FAF1: variants seen among roughly 807,000 people sequenced by gnomAD.
FAF1 encodes the protein FAS-associated factor 1.
FAF1 carries 25 observed loss-of-function variants against 92.5 expected under a neutral mutation model. That is an observed-to-expected ratio of 0.27 (90% confidence interval 0.20 to 0.38). FAF1 has a LOEUF of 0.38. Ranked by LOEUF, FAF1 falls within the 10% of genes least tolerant of loss-of-function variation. The pLI is 1.00. For synonymous variants in FAF1, 234 were observed against 273.2 expected (o/e 0.86, Z 1.42); for missense variants, 636 against 793.3 (o/e 0.80, Z 2.38).
chr1:50,598,155 G>T lies in FAF1; in HGVS notation c.745-1939C>A, dbSNP rs1285756590. Among the ~76,000 whole-genome samples the T allele has an allele frequency of 3.3e-5, 5 of 152,210 alleles. No individual in the cohort carries two copies. In the South Asian group the frequency reaches 1.0e-3, roughly 32 times the overall value. On this transcript the variant is annotated intron_variant, in intron 8 of 18. Coordinates refer to ENST00000396153, the MANE Select transcript of FAF1 (RefSeq NM_007051.3). ...AAAACATAAACAAAAGATTAGCTGG[G>T]TATGGGGGTGCACGCCTGTAGTCCT...
intron 1 of FAF1, among the ~76,000 whole-genome samples, chr1:50,942,496 A>C (rs1645141769): frequency 6.6e-6 from 1 of 151,958 alleles, no homozygotes; most frequent in South Asian, 2.1e-4. Context: ...AAGGGAATTA[A>C]ATGTTCAGTA....
At position 50,729,473 on chromosome 1, in the gene FAF1, C is replaced by A. The variant is rs577010139; in HGVS notation, c.551+9390G>T. Among the ~76,000 whole-genome samples the A allele has an allele frequency of 2.0e-5, 3 of 151,952 alleles. No homozygotes were observed. In the South Asian group the frequency reaches 6.2e-4, roughly 32 times the overall value. ...TGAACATCATAAAATAAGCAGCAAT[C>A]CTAGCTCAGTGCAACCTCTGCCTCC... On this transcript the variant is annotated intron_variant, in intron 6 of 18. Transcript: ENST00000396153.
At chr1:50,801,769 T>A (rs921126885) in intron 2 of FAF1, 92 bp from the exon 3 acceptor site, 7 of 747,330 alleles carry the variant, frequency 9.4e-6, no homozygotes, top group Non-Finnish European at 1.6e-5. Flanking sequence ...AGTATATTTT[T>A]AAAAATGTAT....
At chr1:50,694,033 G>T (rs568783557) in intron 7 of FAF1, among the ~76,000 whole-genome samples, 5 of 151,712 alleles carry the variant, frequency 3.3e-5, no homozygotes, top group African/African-American at 1.2e-4. Context: ...ACATATATAT[G>T]ACATATACAT....
At chr1:50,942,047 C>T (rs1024173142) in intron 1 of FAF1, among the ~76,000 whole-genome samples, 2 of 152,206 alleles carry the variant, frequency 1.3e-5, no homozygotes, top group African/African-American at 4.8e-5. Flanking sequence ...CAATCCCACC[C>T]TTGTTACTAT....
chr1:50,497,301 C>T (rs2149013119), intron 15 of FAF1, among the ~76,000 whole-genome samples: 1 of 152,030 alleles, frequency 6.6e-6, no homozygotes, highest in East Asian at 1.9e-4. Flanking sequence ...ACCATCAACC[C>T]CAGAATTCTA....
chr1:50,503,758 A>G (rs1647021517), intron 15 of FAF1, among the ~76,000 whole-genome samples: 1 of 152,232 alleles, frequency 6.6e-6, no homozygotes, highest in Admixed American at 6.5e-5. Context: ...CAAAATAATT[A>G]CACTGAATGA....
chr1:50,831,577 A>C (rs555280918), intron 2 of FAF1, among the ~76,000 whole-genome samples: 2 of 152,338 alleles, frequency 1.3e-5, no homozygotes, highest in South Asian at 4.1e-4. Flanking sequence ...AAATGAATGA[A>C]TATGATCAAG....
intron 4 of FAF1, among the ~76,000 whole-genome samples, chr1:50,774,651 C>T (rs1660890324): frequency 6.6e-6 from 1 of 152,076 alleles, no homozygotes; most frequent in South Asian, 2.1e-4. Flanking sequence ...TAAAGCTATG[C>T]CTACTAGGCT....
At chr1:50,684,654 T>C (rs1656573981) in intron 7 of FAF1, among the ~76,000 whole-genome samples, 2 of 152,156 alleles carry the variant, frequency 1.3e-5, no homozygotes, top group Admixed American at 1.3e-4. Flanking sequence ...CAACACTTTG[T>C]CAGATTCACA....
chr1:50,512,224 CAAG>C (rs890836870), intron 15 of FAF1, among the ~76,000 whole-genome samples: 2 of 152,180 alleles, frequency 1.3e-5, no homozygotes, highest in African/African-American at 4.8e-5. Context: ...TTTTGCTGTG[CAAG>C]AAGCTCTTCA....
chr1:50,875,064 T>C (rs181590970), intron 1 of FAF1, among the ~76,000 whole-genome samples: 192 of 152,124 alleles, frequency 1.3e-3, no homozygotes, highest in African/African-American at 3.9e-3. Flanking sequence ...GTTTTTTATA[T>C]TTTTACATTA....
chr1:50,442,906 T>C (rs1039576159), intron 18 of FAF1, among the ~76,000 whole-genome samples: 1 of 152,172 alleles, frequency 6.6e-6, no homozygotes, highest in African/African-American at 2.4e-5. Flanking sequence ...AAGCACACTG[T>C]ATTTGTATCT....
intron 7 of FAF1, among the ~76,000 whole-genome samples, chr1:50,670,848 T>C (rs1280051959): frequency 6.6e-6 from 1 of 151,538 alleles, no homozygotes; most frequent in Non-Finnish European, 1.5e-5. Flanking sequence ...GGAAATTACT[T>C]GAGCCCAGGA....
intron 8 of FAF1, among the ~76,000 whole-genome samples, chr1:50,618,415 T>TG (rs1491237754): frequency 5.1e-5 from 2 of 39,192 alleles, no homozygotes; most frequent in East Asian, 7.0e-4. Flanking sequence ...GTTTTTAGAG[T>TG]TTTTTTTTTT....
chr1:50,889,312 C>G (rs570295473), intron 1 of FAF1, among the ~76,000 whole-genome samples: 12 of 151,554 alleles, frequency 7.9e-5, no homozygotes, highest in Admixed American at 4.6e-4. Context: ...TTTAAAAAAC[C>G]CAGCTCCTGG....
chr1:50,527,819 C>CTCTT (rs1647896547), intron 15 of FAF1, among the ~76,000 whole-genome samples: 1 of 115,824 alleles, frequency 8.6e-6, no homozygotes, highest in Admixed American at 8.9e-5. Flanking sequence ...CTGTCTCTCT[C>CTCTT]TCTCTCTCTC....
intron 8 of FAF1, among the ~76,000 whole-genome samples, chr1:50,627,978 C>T (rs989775712): frequency 1.3e-5 from 2 of 151,720 alleles, no homozygotes; most frequent in African/African-American, 4.8e-5. Context: ...CATGAGTTGA[C>T]GAATAAGTAG....
intron 1 of FAF1, among the ~76,000 whole-genome samples, chr1:50,941,999 A>G (rs1323546235): frequency 6.6e-6 from 1 of 152,206 alleles, no homozygotes; most frequent in Admixed American, 6.5e-5. Flanking sequence ...ATAAGGTCAT[A>G]CATACATTTT....
Sources: allele counts gnomAD v4.1 joint callset (sites outside exome capture counted in the v4.1 genomes callset), GRCh38; gene constraint gnomAD v4.1.1; transcripts MANE v1.5; gene names NCBI Gene and HGNC (gene_info 2026-07-23, HGNC 2026-07-21).